The following PARD3B variants were observed in gnomAD, a reference collection of about 807,000 sequenced individuals.
PARD3B encodes partitioning defective 3 homolog B.
Under a neutral mutation model 130.2 loss-of-function variants are expected in PARD3B, and 103 were observed. The observed-to-expected ratio is 0.79, with a 90% CI of 0.67 to 0.93. The LOEUF (loss-of-function observed/expected upper bound fraction) is 0.93. Ranked by LOEUF, PARD3B falls within the 40% of genes least tolerant of loss-of-function variation. PARD3B has a pLI of 0.00. For synonymous variants in PARD3B, 583 were observed against 553.2 expected (o/e 1.05, Z -0.76); for missense variants, 1,609 against 1,499.2 (o/e 1.07, Z -1.21).
At chr2:204,720,045 C>G (rs1458492039) in intron 2 of PARD3B, among the ~76,000 whole-genome samples, 1 of 145,276 alleles carries the variant, frequency 6.9e-6, no homozygotes, top group African/African-American at 2.7e-5. Context: ...AGGCACATGA[C>G]ATTGCTGTCT....
rs138353636 is a variant in PARD3B, at chr2:205,587,194, G to C, written c.3261-28262G>C. The stretch of plus-strand genomic sequence containing the variant: ...GTCTCAAAGAGCTAATGCGGTATTT[G>C]AATGAGTCATTGCATCTTGAAAAAT... On this transcript the variant is annotated intron_variant, in intron 22 of 22. Transcript: ENST00000406610. Among the ~76,000 whole-genome samples, 668 of 152,298 alleles carry C rather than the reference G, an allele frequency of 4.4e-3. 1 individual carries two copies. The highest frequency in any genetic ancestry group is 7.9e-3 in the Non-Finnish European group (535 of 68,032).
At chr2:205,606,465 G>A (rs1166762847) in intron 22 of PARD3B, among the ~76,000 whole-genome samples, 1 of 151,944 alleles carries the variant, frequency 6.6e-6, no homozygotes, top group African/African-American at 2.4e-5. Flanking sequence ...GAAAGAACCT[G>A]GATACCTCAG....
chr2:205,318,343 C>T (rs1459694259), intron 18 of PARD3B, among the ~76,000 whole-genome samples: 1 of 152,142 alleles, frequency 6.6e-6, no homozygotes, highest in Non-Finnish European at 1.5e-5. Flanking sequence ...ATTTCCTAGA[C>T]CTTTGACCCA....
chr2:204,597,217 C>T (rs1342038482), intron 1 of PARD3B, among the ~76,000 whole-genome samples: 7 of 150,860 alleles, frequency 4.6e-5, no homozygotes, highest in African/African-American at 7.3e-5. Flanking sequence ...GTCATTTCTG[C>T]GAATGGATGA....
At chr2:204,982,802 A>G (rs950093317) in intron 3 of PARD3B, among the ~76,000 whole-genome samples, 11 of 152,350 alleles carry the variant, frequency 7.2e-5, no homozygotes, top group African/African-American at 2.6e-4. Context: ...GTATAGATGT[A>G]AAAAAGAATT....
chr2:204,620,713 A>G (rs1016361056), intron 1 of PARD3B, among the ~76,000 whole-genome samples: 4 of 152,170 alleles, frequency 2.6e-5, no homozygotes, highest in Admixed American at 2.6e-4. Flanking sequence ...GTAGTCCTGT[A>G]CTGTAGGTTA....
chr2:204,642,141 G>C (rs1176056028), intron 1 of PARD3B, among the ~76,000 whole-genome samples: 1 of 152,114 alleles, frequency 6.6e-6, no homozygotes, highest in Non-Finnish European at 1.5e-5. Flanking sequence ...GATTCTTTCT[G>C]TTTTATATAG....
In PARD3B at chr2:204,638,381, G is replaced by A. The variant is rs137855056; in HGVS notation, c.121-47800G>A. Among the ~76,000 whole-genome samples the A allele has an allele frequency of 1.3e-3, 195 of 152,294 alleles. 2 individuals are homozygous for A. Among genetic ancestry groups the A allele is most frequent in the Admixed American group, 4.6e-3 (71 of 15,306 alleles). Reference sequence around the variant, plus strand: ...TGTAACAGTTACTAGGTATGTCAGTGTTTGAAAGAATATGGTCATGTGCAG... The same window carrying A: ...TGTAACAGTTACTAGGTATGTCAGTATTTGAAAGAATATGGTCATGTGCAG... On this transcript the variant is annotated intron_variant, in intron 1 of 22. Coordinates refer to ENST00000406610, the MANE Select transcript of PARD3B (RefSeq NM_001302769.2).
chr2:204,758,916 A>T (rs1319629228), intron 2 of PARD3B, among the ~76,000 whole-genome samples: 4 of 152,190 alleles, frequency 2.6e-5, no homozygotes, highest in Non-Finnish European at 5.9e-5. Context: ...TTATGGATAT[A>T]TCTGATTTGA....
intron 20 of PARD3B, among the ~76,000 whole-genome samples, chr2:205,479,766 T>C (rs1421539328): frequency 1.3e-5 from 2 of 152,186 alleles, no homozygotes; most frequent in Non-Finnish European, 2.9e-5. Flanking sequence ...TGTCCACTCA[T>C]TTTACTCAGA....
At chr2:205,159,256 T>A (rs2034366445) in intron 11 of PARD3B, among the ~76,000 whole-genome samples, 1 of 152,086 alleles carries the variant, frequency 6.6e-6, no homozygotes. Context: ...CAAGTAAACA[T>A]AAAGGCAGCA....
intron 3 of PARD3B, among the ~76,000 whole-genome samples, chr2:204,973,479 T>A (rs949497623): frequency 7.0e-6 from 1 of 143,230 alleles, no homozygotes; most frequent in Non-Finnish European, 1.5e-5. Flanking sequence ...GTACTGACAA[T>A]GTAAATGTAA....
chr2:205,046,294 C>T (rs976760919), intron 3 of PARD3B, among the ~76,000 whole-genome samples: 1 of 151,386 alleles, frequency 6.6e-6, no homozygotes, highest in South Asian at 2.1e-4. Flanking sequence ...GAACAATTGC[C>T]AACCGTACAA....
chr2:205,333,517 C>A (rs1174315998), intron 18 of PARD3B, among the ~76,000 whole-genome samples: 1 of 152,150 alleles, frequency 6.6e-6, no homozygotes, highest in African/African-American at 2.4e-5. Flanking sequence ...TCCTAACCAC[C>A]CTGGGCTTCT....
chr2:205,185,633 G>A, intron 13 of PARD3B, 131 bp from the exon 14 acceptor site: 1 of 667,636 alleles, frequency 1.5e-6, no homozygotes, highest in Non-Finnish European at 2.7e-6. Context: ...AGTTCTGTAT[G>A]AGAACTTATT....
intron 13 of PARD3B, among the ~76,000 whole-genome samples, chr2:205,182,676 A>G (rs1289852325): frequency 6.6e-6 from 1 of 152,218 alleles, no homozygotes; most frequent in African/African-American, 2.4e-5. Flanking sequence ...TTTACATAAT[A>G]TTAAGTAATA....
At chr2:204,825,114 G>C (rs1371449441) in intron 2 of PARD3B, among the ~76,000 whole-genome samples, 1 of 152,230 alleles carries the variant, frequency 6.6e-6, no homozygotes, top group Non-Finnish European at 1.5e-5. Flanking sequence ...GTTCTGAGCT[G>C]ATTATTGCAG....
chr2:205,148,425 C>G (rs1018561056), intron 10 of PARD3B, among the ~76,000 whole-genome samples: 4 of 152,114 alleles, frequency 2.6e-5, no homozygotes, highest in African/African-American at 9.7e-5. Flanking sequence ...TCTCTGATCC[C>G]TACTCTAGGA....
intron 1 of PARD3B, among the ~76,000 whole-genome samples, chr2:204,567,086 C>T (rs1395341412): frequency 6.6e-6 from 1 of 152,102 alleles, no homozygotes; most frequent in Non-Finnish European, 1.5e-5. Flanking sequence ...ATCATGTTGG[C>T]CATGCTGGTC....
Sources: allele counts gnomAD v4.1 joint callset (sites outside exome capture counted in the v4.1 genomes callset), GRCh38; gene constraint gnomAD v4.1.1; transcripts MANE v1.5; gene names NCBI Gene and HGNC (gene_info 2026-07-23, HGNC 2026-07-21).